Variants in LSAMP observed in about 807,000 individuals in gnomAD.
The protein encoded by LSAMP is limbic system-associated membrane protein.
Under a neutral mutation model 38.6 loss-of-function variants are expected in LSAMP, and 7 were observed. The ratio of observed to expected loss-of-function variants is 0.18; its 90% CI spans 0.10 to 0.34. LSAMP has a LOEUF of 0.34. Among genes scored for constraint, LSAMP ranks in the 10% least tolerant of loss-of-function variants. LSAMP has a pLI of 1.00. For synonymous variants in LSAMP, 154 were observed against 166.8 expected (o/e 0.92, Z 0.59); for missense variants, 313 against 420.0 (o/e 0.75, Z 2.23).
intron 2 of LSAMP, among the ~76,000 whole-genome samples, chr3:116,048,503 T>C: frequency 6.6e-6 from 1 of 152,222 alleles, no homozygotes; most frequent in East Asian, 1.9e-4. Context: ...AGCTATGGAC[T>C]ATACATTTGG....
intron 1 of LSAMP, among the ~76,000 whole-genome samples, chr3:116,192,236 C>CAGTGAG (rs1183349236): frequency 2.4e-4 from 36 of 152,244 alleles, no homozygotes; most frequent in African/African-American, 8.4e-4. Context: ...TTGTTCCGAT[C>CAGTGAG]AGTGAGAGGT....
intron 1 of LSAMP, among the ~76,000 whole-genome samples, chr3:116,095,916 C>T (rs949021362): frequency 2.0e-5 from 3 of 152,118 alleles, no homozygotes; most frequent in Non-Finnish European, 4.4e-5. Flanking sequence ...AGAAAGGCAG[C>T]GTGGTGGGGT....
intron 1 of LSAMP, among the ~76,000 whole-genome samples, chr3:116,223,587 C>T (rs1006843909): frequency 2.0e-5 from 3 of 152,120 alleles, no homozygotes; most frequent in Admixed American, 2.0e-4. Context: ...ATGCTAGTAT[C>T]TCAACAGTAT....
chr3:115,819,581 T>C (rs779629964), intron 6 of LSAMP, among the ~76,000 whole-genome samples: 1 of 152,172 alleles, frequency 6.6e-6, no homozygotes, highest in African/African-American at 2.4e-5. Context: ...AGGAAACAGA[T>C]GCTCCCCTAT....
At chr3:116,377,392 C>T (rs2048507579) in intron 1 of LSAMP, among the ~76,000 whole-genome samples, 1 of 152,108 alleles carries the variant, frequency 6.6e-6, no homozygotes, top group Middle Eastern at 3.4e-3. Context: ...CATACATGAC[C>T]CTGCAAAGGA....
chr3:116,340,318 G>A (rs184719679), intron 1 of LSAMP, among the ~76,000 whole-genome samples: 1 of 152,118 alleles, frequency 6.6e-6, no homozygotes, highest in South Asian at 2.1e-4. Context: ...AATTTAATAT[G>A]TATTGCTGTT....
At chr3:116,303,673 T>C (rs891428269) in intron 1 of LSAMP, among the ~76,000 whole-genome samples, 1 of 152,206 alleles carries the variant, frequency 6.6e-6, no homozygotes, top group African/African-American at 2.4e-5. Flanking sequence ...GAGTAAGTGC[T>C]TGTGAAGTGT....
At chr3:116,422,136 T>A (rs1268344483) in intron 1 of LSAMP, among the ~76,000 whole-genome samples, 2 of 152,230 alleles carry the variant, frequency 1.3e-5, no homozygotes, top group African/African-American at 4.8e-5. Flanking sequence ...ACAATATGCA[T>A]GAATCTCAAA....
At chr3:116,131,873 G>A (rs1217158325) in intron 1 of LSAMP, among the ~76,000 whole-genome samples, 1 of 151,122 alleles carries the variant, frequency 6.6e-6, no homozygotes, top group Non-Finnish European at 1.5e-5. Context: ...TGTCTCCCAG[G>A]CTGGAGTGCA....
chr3:115,821,115 T>G (rs1351774197), intron 6 of LSAMP, among the ~76,000 whole-genome samples: 1 of 152,226 alleles, frequency 6.6e-6, no homozygotes, highest in African/African-American at 2.4e-5. Flanking sequence ...GATTTTTTTC[T>G]CTTTCTCTGT....
chr3:116,409,355 T>C (rs1180391013), intron 1 of LSAMP, among the ~76,000 whole-genome samples: 1 of 152,010 alleles, frequency 6.6e-6, no homozygotes, highest in East Asian at 1.9e-4. Flanking sequence ...TTTTGTAAGG[T>C]CTTTTTCTGA....
At chr3:115,987,702 C>T (rs2107637192) in intron 3 of LSAMP, among the ~76,000 whole-genome samples, 1 of 152,262 alleles carries the variant, frequency 6.6e-6, no homozygotes, top group Admixed American at 6.6e-5. Context: ...CATGTATATG[C>T]TACCAGATGA....
chr3:115,814,157 A>G (rs529655184), intron 6 of LSAMP: 1 of 152,306 alleles, frequency 6.6e-6, no homozygotes, highest in African/African-American at 2.4e-5. Flanking sequence ...TGAAATACCA[A>G]CCTGAATCAA....
intron 3 of LSAMP, among the ~76,000 whole-genome samples, chr3:115,930,001 A>ATTTTTTTTTTTT (rs1559885246): frequency 3.9e-5 from 1 of 25,342 alleles, no homozygotes; most frequent in Non-Finnish European, 1.2e-4. Context: ...ATTTAGCAGA[A>ATTTTTTTTTTTT]GTTTTTTTTT....
intron 1 of LSAMP, among the ~76,000 whole-genome samples, chr3:116,393,741 T>G (rs2048732686): frequency 6.6e-6 from 1 of 152,226 alleles, no homozygotes; most frequent in African/African-American, 2.4e-5. Context: ...TCCTTTTAAC[T>G]TATAGATGTG....
At position 115,920,939 on chromosome 3, in the gene LSAMP, C is replaced by T. The variant is rs543903095; in HGVS notation, c.515-68322G>A. On this transcript the variant is annotated intron_variant, in intron 3 of 6. Coordinates refer to ENST00000490035, the MANE Select transcript of LSAMP (RefSeq NM_002338.5). ...CTTCCTGGTGAATTGACAGTTTTAT[C>T]ATTATATAATGTTCTTCTTTGTCTC... is the stretch of plus-strand genomic sequence containing the variant. 1.1e-4 allele frequency among the ~76,000 whole-genome samples: 16 copies of T among 151,836 alleles called. No homozygotes were observed. The East Asian group carries it at 2.9e-3, about 28-fold the overall frequency.
intron 1 of LSAMP, among the ~76,000 whole-genome samples, chr3:116,276,809 A>G (rs993839470): frequency 6.6e-6 from 1 of 152,204 alleles, no homozygotes; most frequent in African/African-American, 2.4e-5. Flanking sequence ...CAGTAGGACA[A>G]TTCTTATTGA....
intron 1 of LSAMP, among the ~76,000 whole-genome samples, chr3:116,211,012 A>C (rs6785171): frequency 0.61 from 91,718 of 150,614 alleles, 28,466 homozygotes; most frequent in East Asian, 0.76. Context: ...AAAAAAAAAA[A>C]AACAAAAACA....
intron 1 of LSAMP, among the ~76,000 whole-genome samples, chr3:116,160,455 G>A (rs1709860773): frequency 1.3e-5 from 2 of 150,498 alleles, no homozygotes; most frequent in South Asian, 2.1e-4. Flanking sequence ...AGGAAGGAGA[G>A]AGAGAAAAGA....
Sources: gnomAD v4.1 joint callset for allele counts (sites outside exome capture counted in the v4.1 genomes callset) on GRCh38, gnomAD v4.1.1 for gene constraint, MANE v1.5 for transcripts, NCBI Gene and HGNC (gene_info 2026-07-23, HGNC 2026-07-21) for gene names.